The following EPS8 variants were observed in gnomAD, a reference collection of about 807,000 sequenced individuals.
EPS8 encodes EGFR pathway substrate 8, signaling adaptor.
A neutral mutation model predicts 103.8 loss-of-function variants in EPS8; 42 were observed. The ratio of observed to expected loss-of-function variants is 0.40; its 90% confidence interval spans 0.32 to 0.52. The LOEUF is 0.52. Ranked by LOEUF, EPS8 falls within the 20% of genes least tolerant of loss-of-function variation. The pLI is 0.40. For missense variants in EPS8, 969 were observed against 1,005.1 expected, an observed-to-expected ratio of 0.96 and a Z score of 0.49; for synonymous variants, 344 against 344.6, an observed-to-expected ratio of 1.00 and a Z score of 0.02.
chr12:15,682,172 G>A (rs1032517795), intron 2 of EPS8, among the ~76,000 whole-genome samples: 1 of 152,008 alleles, frequency 6.6e-6, no homozygotes. Flanking sequence ...AAATAGCACA[G>A]TGTCTGTGGA....
At position 15,738,966 on chromosome 12, in the gene EPS8, T is replaced by C. The variant is rs1946792868; in HGVS notation, c.-22+50195A>G. 6.6e-6 allele frequency among the ~76,000 whole-genome samples: 1 copy of C among 152,212 alleles called. No homozygotes were observed. Among genetic ancestry groups the C allele is most frequent in the East Asian group, 1.9e-4 (1 of 5,192 alleles). ...GGTCTTATTCTGACCCCTTAGTCCA[T>C]GCAGGCATGTCTATGCAGATTGCTC... On this transcript the variant is annotated intron_variant, in intron 1 of 20. Coordinates refer to ENST00000281172, the MANE Select transcript of EPS8 (RefSeq NM_004447.6). The surrounding 1 kb of genome is among the most constrained non-coding windows in gnomAD (Gnocchi z 6.2).
intron 15 of EPS8, among the ~76,000 whole-genome samples, chr12:15,644,263 G>A (rs916122344): frequency 2.0e-5 from 3 of 152,130 alleles, no homozygotes; most frequent in Admixed American, 6.5e-5. Context: ...CCTCACGTCC[G>A]TTTTCTGTAC....
At chr12:15,637,939 G>A (rs994914319) in intron 17 of EPS8, among the ~76,000 whole-genome samples, 5 of 152,168 alleles carry the variant, frequency 3.3e-5, no homozygotes, top group Non-Finnish European at 7.4e-5. Context: ...TGAGATGCCA[G>A]TACTCAATAT....
rs550454024 is a variant in EPS8 at position 15,774,618 on chromosome 12, TATATAA to T, written c.-22+14537_-22+14542del. On this transcript the variant is annotated intron_variant, in intron 1 of 20. Coordinates refer to ENST00000281172, the MANE Select transcript of EPS8 (RefSeq NM_004447.6). ...TGTACACATATAAAATATATATACA[TATATAA>T]ATATAAATATACATACATACATATA... Among the ~76,000 whole-genome samples the T allele has an allele frequency of 7.7e-4, 114 of 147,470 alleles. 1 individual carries two copies. The East Asian group carries it at 0.02, about 26-fold the overall frequency.
Position 15,666,534 on chromosome 12 carries a change from C to A in EPS8, c.517-12G>T. On this transcript the variant is annotated splice_polypyrimidine_tract_variant and intron_variant, in intron 6 of 20. Transcript: ENST00000281172. Reference sequence around the variant, plus strand: ...CTAATTAGGTTTGCCTGCAAAGAGACACAAGTTACCTGAAAGTTTATGGAT... The same window carrying A: ...CTAATTAGGTTTGCCTGCAAAGAGAAACAAGTTACCTGAAAGTTTATGGAT... 6.3e-7 allele frequency: 1 copy of A among 1,597,760 alleles called. No individual in the cohort carries two copies. Among genetic ancestry groups the A allele is most frequent in the Non-Finnish European group, 8.6e-7 (1 of 1,165,514 alleles).
chr12:15,691,769 T>G (rs2135915668), intron 1 of EPS8, among the ~76,000 whole-genome samples: 1 of 152,322 alleles, frequency 6.6e-6, no homozygotes, highest in South Asian at 2.1e-4. Context: ...TTATTGAATC[T>G]ATGTAAATGC....
chr12:15,631,578 G>C lies in EPS8; in HGVS notation c.1908C>G (p.Pro636=). ...PPPTPAPVPV[P]LPPSTPAPVP... ...CAGGTGCTGGAGTGGAAGGGGGAAG[G>C]GGAACAGGAACAGGAGCTGGTGTTG... The change falls in exon 18 of 21, where the codon CCC becomes CCG. Residue 636 remains proline, a synonymous_variant. Transcript: ENST00000281172. The C allele has an allele frequency of 6.2e-7, 1 of 1,613,962 alleles. No individual in the cohort carries two copies.
chr12:15,748,552 G>A lies in EPS8; in HGVS notation c.-22+40609C>T, dbSNP rs1413669950. Among the ~76,000 whole-genome samples the A allele has an allele frequency of 6.6e-6, 1 of 152,092 alleles. No individual in the cohort carries two copies. The highest frequency in any genetic ancestry group is 1.5e-5 in the Non-Finnish European group (1 of 68,012). On this transcript the variant is annotated intron_variant, in intron 1 of 20. Coordinates refer to ENST00000281172, the MANE Select transcript of EPS8 (RefSeq NM_004447.6). The surrounding 1 kb of genome is among the most constrained non-coding windows in gnomAD (Gnocchi z 4.8). ...ACCTTTTCTTAAAGATCTCCAGGGA[G>A]AGAAATTCCACAGCTCCCTTGGTAT...
At position 15,733,178 on chromosome 12, in the gene EPS8, G is replaced by A. The variant is rs1308071553; in HGVS notation, c.-21-50206C>T. Among the ~76,000 whole-genome samples the A allele has an allele frequency of 1.3e-5, 2 of 152,192 alleles. No homozygotes were observed. Among genetic ancestry groups the A allele is most frequent in the Non-Finnish European group, 2.9e-5 (2 of 68,032 alleles). On this transcript the variant is annotated intron_variant, in intron 1 of 20. Coordinates refer to ENST00000281172, the MANE Select transcript of EPS8 (RefSeq NM_004447.6). This position sits in a 1 kb window ranked among gnomAD's most constrained non-coding sequence, Gnocchi z 4.8. Reference sequence around the variant, plus strand: ...ATTTATAAAGGAAAGAGGTTTAATTGACTCACAGTTCCACGGGCTTAACAG... The same window carrying A: ...ATTTATAAAGGAAAGAGGTTTAATTAACTCACAGTTCCACGGGCTTAACAG...
chr12:15,643,105 T>C (rs1022440774), intron 15 of EPS8, among the ~76,000 whole-genome samples: 1 of 152,210 alleles, frequency 6.6e-6, no homozygotes, highest in Admixed American at 6.5e-5. Context: ...ATTTACTTTA[T>C]ATATTCACAT....
chr12:15,677,461 A>T (rs1434234783), intron 3 of EPS8, among the ~76,000 whole-genome samples: 1 of 152,202 alleles, frequency 6.6e-6, no homozygotes, highest in Non-Finnish European at 1.5e-5. Flanking sequence ...CAGACAGAGT[A>T]TCTAGACTGT....
At chr12:15,632,026 G>C (rs1945055748) in intron 17 of EPS8, among the ~76,000 whole-genome samples, 1 of 152,042 alleles carries the variant, frequency 6.6e-6, no homozygotes, top group Non-Finnish European at 1.5e-5. Flanking sequence ...ATTTCCAATT[G>C]CACTGGAAGT....
intron 10 of EPS8, among the ~76,000 whole-genome samples, chr12:15,660,027 A>G (rs1243503197): frequency 1.3e-5 from 2 of 152,208 alleles, no homozygotes; most frequent in Non-Finnish European, 2.9e-5. Flanking sequence ...TAATTTTACA[A>G]TAACTAATGA....
chr12:15,746,605 C>T (rs1442774651), intron 1 of EPS8, among the ~76,000 whole-genome samples: 1 of 152,110 alleles, frequency 6.6e-6, no homozygotes, highest in East Asian at 1.9e-4. Flanking sequence ...CCAACATTGG[C>T]AACACATGAG....
chr12:15,669,458 G>C lies in EPS8; in HGVS notation c.445C>G (p.Leu149Val), dbSNP rs1945773187. 1 of 1,613,806 alleles carries C rather than the reference G, an allele frequency of 6.2e-7. No homozygotes were observed. The highest frequency in any genetic ancestry group is 8.5e-7 in the Non-Finnish European group (1 of 1,179,812). ...GTTGGCTCTTTGCACACCAGTGCAAGAACTGAATCATAGCTGCATGAATGC... is the reference window on the plus strand; with the variant it reads ...GTTGGCTCTTTGCACACCAGTGCAACAACTGAATCATAGCTGCATGAATGC... ...VMHSCSYDSVLALVCKEPTQN... is the reference protein window; with the variant it reads ...VMHSCSYDSVVALVCKEPTQN... Residue 149 changes from leucine to valine, a missense_variant, in exon 6 of 21, where the codon CTT becomes GTT. Coordinates refer to ENST00000281172, the MANE Select transcript of EPS8 (RefSeq NM_004447.6).
chr12:15,658,221 T>A, intron 11 of EPS8, 68 bp from the exon 12 acceptor site: 1 of 1,061,304 alleles, frequency 9.4e-7, no homozygotes, highest in Non-Finnish European at 1.5e-6. Flanking sequence ...AGGTCCAACA[T>A]AGACACAGAG....
rs566803818 is a variant in EPS8 at position 15,692,987 on chromosome 12, C to T, written c.-21-10015G>A. On this transcript the variant is annotated intron_variant, in intron 1 of 20. Transcript: ENST00000281172. ...CTCTTTATGACAATTTCCTTGTTTTCGCTAGGTTTGTTTTGGCTTCTGAAT... is the reference window on the plus strand; with the variant it reads ...CTCTTTATGACAATTTCCTTGTTTTTGCTAGGTTTGTTTTGGCTTCTGAAT... Among the ~76,000 whole-genome samples, 7 of 152,060 alleles carry T rather than the reference C, an allele frequency of 4.6e-5. No individual in the cohort carries two copies. The South Asian group carries it at 6.2e-4, about 14-fold the overall frequency.
Position 15,695,336 on chromosome 12 carries a change from G to A in EPS8, c.-21-12364C>T, listed in dbSNP as rs761706543. On this transcript the variant is annotated intron_variant, in intron 1 of 20. Transcript: ENST00000281172. This position sits in a 1 kb window ranked among gnomAD's most constrained non-coding sequence, Gnocchi z 5.0. ...AATCTGAGTACTACTTCATTCATTC[G>A]CTCATTTAACAAATAATTACTACGT... Among the ~76,000 whole-genome samples, 8 of 152,080 alleles carry A rather than the reference G, an allele frequency of 5.3e-5. No homozygotes were observed. Among genetic ancestry groups the A allele is most frequent in the African/African-American group, 1.9e-4 (8 of 41,418 alleles).
chr12:15,774,536 A>T lies in EPS8; in HGVS notation c.-22+14625T>A, dbSNP rs1319360935. Among the ~76,000 whole-genome samples the T allele has an allele frequency of 2.7e-5, 4 of 150,240 alleles. No individual in the cohort carries two copies. The Admixed American group carries it at 2.7e-4, about 10-fold the overall frequency. On this transcript the variant is annotated intron_variant, in intron 1 of 20. Coordinates refer to ENST00000281172, the MANE Select transcript of EPS8 (RefSeq NM_004447.6). Reference sequence around the variant, plus strand: ...ATGCTCAATAGGCAAGGTAAGGGAAAGGTTACAGGTTTGTTATACATATAC... The same window carrying T: ...ATGCTCAATAGGCAAGGTAAGGGAATGGTTACAGGTTTGTTATACATATAC...
Sources: gnomAD v4.1 joint callset for allele counts (sites outside exome capture counted in the v4.1 genomes callset) on GRCh38, gnomAD v4.1.1 for gene constraint, Gnocchi (gnomAD v3.1) non-coding constraint, MANE v1.5 for transcripts, NCBI Gene and HGNC (gene_info 2026-07-23, HGNC 2026-07-21) for gene names.